PDE7B: variants seen among roughly 807,000 people sequenced by gnomAD.
PDE7B encodes the protein phosphodiesterase 7B.
In PDE7B, 29 loss-of-function variants were observed where a neutral mutation model predicts 56.2. The observed-to-expected ratio is 0.52, with a 90% CI of 0.38 to 0.70. The LOEUF is 0.70. Ranked by LOEUF, PDE7B falls within the 30% of genes least tolerant of loss-of-function variation. The pLI, the probability that PDE7B is intolerant of heterozygous loss-of-function variation, is 0.00. For missense variants in PDE7B, 490 were observed against 565.0 expected (o/e 0.87, Z 1.35); for synonymous variants, 197 against 196.9 (o/e 1.00, Z 0.00).
intron 1 of PDE7B, among the ~76,000 whole-genome samples, chr6:135,908,985 A>G (rs562761488): frequency 6.6e-6 from 1 of 152,340 alleles, no homozygotes; most frequent in East Asian, 1.9e-4. Flanking sequence ...TAATCTATGC[A>G]TGATCAAGAT....
chr6:135,864,955 C>G (rs1265536868), intron 1 of PDE7B, among the ~76,000 whole-genome samples: 1 of 124,328 alleles, frequency 8.0e-6, no homozygotes, highest in Non-Finnish European at 1.7e-5. Context: ...CCCCACCCCA[C>G]AACAGGCCCT....
chr6:135,923,506 G>A (rs1285739810), intron 1 of PDE7B, among the ~76,000 whole-genome samples: 2 of 152,258 alleles, frequency 1.3e-5, no homozygotes, highest in South Asian at 4.1e-4. Context: ...ATGGGAAACT[G>A]ATGGGTCATT....
chr6:135,906,825 T>TTTTTTTTTGTTTTTTTTTG (rs1776120730), intron 1 of PDE7B, among the ~76,000 whole-genome samples: 2 of 145,854 alleles, frequency 1.4e-5, no homozygotes, highest in African/African-American at 5.2e-5. Context: ...TTTTTTTTTT[T>TTTTTTTTTGTTTTTTTTTG]TTTTTTTTTT....
intron 2 of PDE7B, among the ~76,000 whole-genome samples, chr6:136,050,295 TTTC>T (rs1776601591): frequency 1.3e-5 from 2 of 152,172 alleles, no homozygotes; most frequent in Non-Finnish European, 2.9e-5. Flanking sequence ...TACACACATT[TTTC>T]TTGTTTCCAA....
At chr6:135,865,924 T>C (rs1327919763) in intron 1 of PDE7B, among the ~76,000 whole-genome samples, 2 of 152,080 alleles carry the variant, frequency 1.3e-5, no homozygotes, top group Non-Finnish European at 2.9e-5. Context: ...GAGTAGTGAA[T>C]AGTGCATAGT....
chr6:135,981,599 G>A (rs1285105708), intron 2 of PDE7B, among the ~76,000 whole-genome samples: 1 of 148,876 alleles, frequency 6.7e-6, no homozygotes, highest in African/African-American at 2.5e-5. Context: ...ACCCTGGGTA[G>A]GCCTAGGGTC....
At chr6:136,060,921 T>C (rs968262756) in intron 2 of PDE7B, among the ~76,000 whole-genome samples, 2 of 152,192 alleles carry the variant, frequency 1.3e-5, no homozygotes, top group Non-Finnish European at 2.9e-5. Context: ...GCTCTCTCAG[T>C]GAAGGCATCA....
At chr6:136,166,244 T>C (rs1778790825) in intron 8 of PDE7B, 2 of 152,330 alleles carry the variant, frequency 1.3e-5, no homozygotes, top group African/African-American at 4.8e-5. Flanking sequence ...CCAGAAACAA[T>C]GGAATCATCC....
chr6:136,062,109 G>A (rs991362322), intron 2 of PDE7B, among the ~76,000 whole-genome samples: 1 of 152,210 alleles, frequency 6.6e-6, no homozygotes, highest in Admixed American at 6.5e-5. Flanking sequence ...GTATACTGGA[G>A]TGGTTGTGAA....
chr6:136,179,226 AGCTACTTGG>A, intron 10 of PDE7B, 85 bp downstream of exon 10: 1 of 1,272,696 alleles, frequency 7.9e-7, no homozygotes. Flanking sequence ...CTGTAGTCCC[AGCTACTTGG>A]GAGGCTGAGG....
chr6:136,084,993 G>T (rs1194088830), intron 2 of PDE7B, among the ~76,000 whole-genome samples: 5 of 151,914 alleles, frequency 3.3e-5, no homozygotes, highest in Admixed American at 2.6e-4. Flanking sequence ...TTTCCCTCTA[G>T]GTCTCGACTC....
chr6:135,982,484 C>T (rs941060124), intron 2 of PDE7B, among the ~76,000 whole-genome samples: 2 of 152,052 alleles, frequency 1.3e-5, no homozygotes, highest in Admixed American at 6.6e-5. Flanking sequence ...GGATCTGGTG[C>T]GCATCCCTTG....
intron 1 of PDE7B, among the ~76,000 whole-genome samples, chr6:135,940,382 A>T (rs1197135305): frequency 6.6e-6 from 1 of 152,218 alleles, no homozygotes; most frequent in African/African-American, 2.4e-5. Flanking sequence ...AAACTTCTTA[A>T]GGAAAAGACC....
rs1193829795 is a variant in PDE7B, at chr6:136,193,686, G to GGA, written c.*1846_*1847insGA. 1 of 152,224 alleles carries GGA rather than the reference G, an allele frequency of 6.6e-6. No individual in the cohort carries two copies. Among genetic ancestry groups the GGA allele is most frequent in the Non-Finnish European group, 1.5e-5 (1 of 68,044 alleles). 9.4% of individuals were successfully genotyped at this position (152,224 alleles called of 1,614,324 possible). A position where few individuals can be genotyped will look rare whatever the true frequency, so the allele number is the denominator to read the frequency against. On this transcript the variant is annotated 3_prime_UTR_variant, in exon 13 of 13. Coordinates refer to ENST00000308191, the MANE Select transcript of PDE7B (RefSeq NM_018945.4). ...TATCAACCTGATCCTCATGCTGATA[G>GGA]AATGACAGCTAGCACTTATTTCCTA...
chr6:136,036,409 C>T (rs190758152), intron 2 of PDE7B, among the ~76,000 whole-genome samples: 1 of 152,188 alleles, frequency 6.6e-6, no homozygotes, highest in African/African-American at 2.4e-5. Context: ...TTGTTTTATA[C>T]CCTCTTGCCC....
chr6:135,909,493 C>T (rs557694839), intron 1 of PDE7B, among the ~76,000 whole-genome samples: 3 of 152,138 alleles, frequency 2.0e-5, no homozygotes, highest in Admixed American at 1.3e-4. Context: ...ATAATCCCAG[C>T]TTCTCCAGAG....
intron 1 of PDE7B, among the ~76,000 whole-genome samples, chr6:135,872,090 A>AGTTTT (rs1775393286): frequency 6.6e-6 from 1 of 152,194 alleles, no homozygotes; most frequent in Non-Finnish European, 1.5e-5. Flanking sequence ...TTCCTAACAG[A>AGTTTT]TGCCTCAGTG....
Position 136,115,804 on chromosome 6 carries a change from T to C in PDE7B, c.166+6990T>C, listed in dbSNP as rs80012340. 1.7e-3 allele frequency among the ~76,000 whole-genome samples: 257 copies of C among 152,316 alleles called. 9 individuals carry two copies. The highest frequency in any genetic ancestry group is 5.9e-3 in the African/African-American group (245 of 41,580). ...CACACCAACCGCCACAGGACTGAGA[T>C]AGCCTTTTGTATGATGGCTACCTTC... On this transcript the variant is annotated intron_variant, in intron 3 of 12. Transcript: ENST00000308191.
At chr6:135,889,228 A>G (rs527275267) in intron 1 of PDE7B, among the ~76,000 whole-genome samples, 104 of 152,188 alleles carry the variant, frequency 6.8e-4, no homozygotes, top group African/African-American at 2.4e-3. Context: ...AATGTGACTC[A>G]GGCTCTCACT....
Sources: allele counts gnomAD v4.1 joint callset (sites outside exome capture counted in the v4.1 genomes callset), GRCh38; gene constraint gnomAD v4.1.1; transcripts MANE v1.5; gene names NCBI Gene and HGNC (gene_info 2026-07-23, HGNC 2026-07-21).